Variants in PDIA5 observed in about 807,000 individuals in gnomAD.
The protein encoded by PDIA5 is protein disulfide isomerase family A member 5, also known as protein disulfide-isomerase A5.
A neutral mutation model predicts 77.6 loss-of-function variants in PDIA5; 58 were observed. The ratio of observed to expected loss-of-function variants is 0.75; its 90% CI spans 0.61 to 0.93. PDIA5 has a LOEUF of 0.93. PDIA5 is among the 40% of genes least tolerant of loss of function. The pLI is 0.00. For synonymous variants in PDIA5, 250 were observed against 252.1 expected (o/e 0.99, Z 0.08); for missense variants, 630 against 647.7 (o/e 0.97, Z 0.30).
chr3:123,094,880 G>A (rs2107925317), intron 3 of PDIA5, among the ~76,000 whole-genome samples: 1 of 152,330 alleles, frequency 6.6e-6, no homozygotes, highest in South Asian at 2.1e-4. Context: ...GATGGGGACA[G>A]GGCTTGGGGT....
At chr3:123,129,151 G>A (rs1935313377) in intron 10 of PDIA5, among the ~76,000 whole-genome samples, 1 of 152,224 alleles carries the variant, frequency 6.6e-6, no homozygotes, top group South Asian at 2.1e-4. Flanking sequence ...AAGTGTAATT[G>A]GTGGTGTTTT....
chr3:123,148,568 TAAAA>T (rs144004309), intron 13 of PDIA5, among the ~76,000 whole-genome samples: 1 of 142,586 alleles, frequency 7.0e-6, no homozygotes, highest in South Asian at 2.2e-4. Context: ...GACCCTGTCT[TAAAA>T]AAAAAAAAAA....
At chr3:123,072,630 G>C (rs1171207468) in intron 1 of PDIA5, among the ~76,000 whole-genome samples, 3 of 152,228 alleles carry the variant, frequency 2.0e-5, no homozygotes, top group Non-Finnish European at 4.4e-5. Flanking sequence ...GGGTGGTGCA[G>C]AAGGGCTCAG....
intron 3 of PDIA5, among the ~76,000 whole-genome samples, chr3:123,101,398 A>G (rs1251904365): frequency 6.6e-6 from 1 of 152,194 alleles, no homozygotes; most frequent in African/African-American, 2.4e-5. Context: ...GGGCACCAAG[A>G]TGAGATGAGG....
chr3:123,133,117 A>G (rs1935410767), intron 11 of PDIA5, among the ~76,000 whole-genome samples: 1 of 152,206 alleles, frequency 6.6e-6, no homozygotes, highest in Non-Finnish European at 1.5e-5. Flanking sequence ...GGAGCTCAGG[A>G]CAGGTGAACT....
intron 3 of PDIA5, among the ~76,000 whole-genome samples, chr3:123,100,216 G>A (rs912731553): frequency 6.6e-6 from 1 of 152,222 alleles, no homozygotes; most frequent in Non-Finnish European, 1.5e-5. Context: ...ACTCAAACAG[G>A]GAAAGGGCAC....
intron 1 of PDIA5, among the ~76,000 whole-genome samples, chr3:123,082,742 T>C (rs1395150675): frequency 6.6e-6 from 1 of 152,168 alleles, no homozygotes. Flanking sequence ...AACATTATGT[T>C]AGATTCTTTG....
chr3:123,150,953 C>T (rs1935879585), intron 14 of PDIA5, among the ~76,000 whole-genome samples: 1 of 152,210 alleles, frequency 6.6e-6, no homozygotes, highest in Non-Finnish European at 1.5e-5. Flanking sequence ...ATGAAAGGTT[C>T]TTAGAATTTC....
At chr3:123,142,213 C>T (rs917338522) in intron 11 of PDIA5, among the ~76,000 whole-genome samples, 23 of 152,206 alleles carry the variant, frequency 1.5e-4, no homozygotes, top group Non-Finnish European at 2.9e-4. Flanking sequence ...CACTGGATCG[C>T]GGGCTGCACT....
chr3:123,135,926 G>A (rs1028829355), intron 11 of PDIA5, among the ~76,000 whole-genome samples: 5 of 148,008 alleles, frequency 3.4e-5, no homozygotes, highest in African/African-American at 5.0e-5. Context: ...CCTTCATGCT[G>A]TCATTTTATT....
At chr3:123,095,676 G>A (rs1057064178) in intron 3 of PDIA5, among the ~76,000 whole-genome samples, 1 of 151,280 alleles carries the variant, frequency 6.6e-6, no homozygotes, top group Non-Finnish European at 1.5e-5. Context: ...TTGAACCCAG[G>A]AGGTGGAGGT....
intron 10 of PDIA5, among the ~76,000 whole-genome samples, chr3:123,125,469 A>G (rs1935225529): frequency 6.6e-6 from 1 of 152,118 alleles, no homozygotes; most frequent in Admixed American, 6.5e-5. Context: ...TGCAGCCCCG[A>G]CAGTCCAACT....
At chr3:123,072,653 C>T (rs1185769303) in intron 1 of PDIA5, among the ~76,000 whole-genome samples, 1 of 152,154 alleles carries the variant, frequency 6.6e-6, no homozygotes, top group Non-Finnish European at 1.5e-5. Flanking sequence ...TGTAAGTGTG[C>T]TTGGTTTCTC....
chr3:123,127,479 G>A (rs1315992981), intron 10 of PDIA5, among the ~76,000 whole-genome samples: 1 of 152,188 alleles, frequency 6.6e-6, no homozygotes, highest in Non-Finnish European at 1.5e-5. Flanking sequence ...CGGCCTATAT[G>A]AGCCTGAGAG....
rs115054348 is a variant in PDIA5, at chr3:123,159,727, C to T, written c.1345-1594C>T. Among the ~76,000 whole-genome samples the T allele has an allele frequency of 2.8e-3, 419 of 152,242 alleles. 4 individuals are homozygous for T. Among genetic ancestry groups the T allele is most frequent in the African/African-American group, 9.8e-3 (406 of 41,528 alleles). ...TTTGTAAACTCCATTTTAAAAGTCT[C>T]ACCGTATAGAATGTTACATAGCTGA... On this transcript the variant is annotated intron_variant, in intron 15 of 16. Coordinates refer to ENST00000316218, the MANE Select transcript of PDIA5 (RefSeq NM_006810.4).
At chr3:123,155,158 A>C in intron 15 of PDIA5, 117 bp downstream of exon 15, 1 of 740,778 alleles carries the variant, frequency 1.3e-6, no homozygotes, top group East Asian at 2.5e-5. Flanking sequence ...GTAAGCAGGA[A>C]ATTCCTTGGG....
intron 3 of PDIA5, among the ~76,000 whole-genome samples, chr3:123,096,644 C>T (rs147553619): frequency 4.6e-5 from 7 of 152,264 alleles, no homozygotes; most frequent in East Asian, 1.9e-4. Flanking sequence ...GTTTTCTCCC[C>T]GGTCCAGGCC....
At chr3:123,121,602 G>T (rs549018096) in intron 8 of PDIA5, among the ~76,000 whole-genome samples, 1 of 152,316 alleles carries the variant, frequency 6.6e-6, no homozygotes, top group South Asian at 2.1e-4. Context: ...GAGACGTGAG[G>T]TTTGATTTGC....
At position 123,154,986 on chromosome 3, in the gene PDIA5, A is replaced by G; in HGVS notation, c.1289A>G (p.Lys430Arg). 1.2e-6 allele frequency: 2 copies of G among 1,611,646 alleles called. No individual in the cohort carries two copies. The highest frequency in any genetic ancestry group is 1.7e-6 in the Non-Finnish European group (2 of 1,177,750). ...TCTCACACAGGGTGCCCACACTGTA[A>G]GAAGGTCATTCCGCACTTTACTGCT... is the stretch of plus-strand genomic sequence containing the variant. ...MFYAPWCPHC[K>R]KVIPHFTATA... is the part of the protein sequence containing the mutation. The change falls in exon 15 of 17, where the codon AAG becomes AGG. Residue 430 changes from lysine to arginine, a missense_variant. Coordinates refer to ENST00000316218, the MANE Select transcript of PDIA5 (RefSeq NM_006810.4).
Sources: gnomAD v4.1 joint callset for allele counts (sites outside exome capture counted in the v4.1 genomes callset) on GRCh38, gnomAD v4.1.1 for gene constraint, MANE v1.5 for transcripts, NCBI Gene and HGNC (gene_info 2026-07-23, HGNC 2026-07-21) for gene names.